FSTL5: variants seen among roughly 807,000 people sequenced by gnomAD.
FSTL5 encodes the protein follistatin like 5.
A neutral mutation model predicts 89.1 loss-of-function variants in FSTL5; 62 were observed. The observed-to-expected ratio is 0.70, with a 90% confidence interval of 0.57 to 0.86. The LOEUF (loss-of-function observed/expected upper bound fraction) is 0.86, where lower values mean the gene tolerates loss of function less well. Ranked by LOEUF, FSTL5 falls within the 40% of genes least tolerant of loss-of-function variation. The pLI, the probability that FSTL5 is intolerant of heterozygous loss-of-function variation, is 0.00. For synonymous variants in FSTL5, 383 were observed against 346.2 expected, an observed-to-expected ratio of 1.11 and a Z score of -1.18; for missense variants, 1,057 against 1,001.6, an observed-to-expected ratio of 1.06 and a Z score of -0.75.
intron 3 of FSTL5, among the ~76,000 whole-genome samples, chr4:161,992,816 C>T (rs1736150808): frequency 7.4e-6 from 1 of 135,660 alleles, no homozygotes; most frequent in Non-Finnish European, 1.5e-5. Context: ...CATTGAACTT[C>T]AGCCTGGGCA....
At chr4:161,622,401 C>T (rs1003750750) in intron 7 of FSTL5, among the ~76,000 whole-genome samples, 8 of 151,886 alleles carry the variant, frequency 5.3e-5, no homozygotes, top group African/African-American at 1.7e-4. Context: ...GAAAGCTTGA[C>T]GTAAAAACAT....
chr4:161,608,894 T>G (rs2126633104), intron 7 of FSTL5, among the ~76,000 whole-genome samples: 1 of 152,114 alleles, frequency 6.6e-6, no homozygotes, highest in African/African-American at 2.4e-5. Context: ...CATATTGGAG[T>G]TTTCACACCT....
chr4:161,554,113 T>G (rs940339227), intron 8 of FSTL5, among the ~76,000 whole-genome samples: 4 of 151,516 alleles, frequency 2.6e-5, no homozygotes, highest in African/African-American at 9.7e-5. Context: ...TGGAGGAAAC[T>G]AAATAAAATA....
intron 12 of FSTL5, among the ~76,000 whole-genome samples, chr4:161,495,835 C>T (rs1730050231): frequency 6.6e-6 from 1 of 152,036 alleles, no homozygotes; most frequent in Non-Finnish European, 1.5e-5. Context: ...TTCCAAAAGA[C>T]TCATTTCCAC....
intron 12 of FSTL5, 27 bp downstream of exon 12, chr4:161,499,989 C>T (rs201715734): frequency 3.2e-5 from 44 of 1,358,844 alleles, no homozygotes; most frequent in African/African-American, 1.6e-4. Flanking sequence ...CTGCATAAAA[C>T]GTCAAAGGAA....
intron 1 of FSTL5, among the ~76,000 whole-genome samples, chr4:162,114,563 CACACAT>C (rs1408732713): frequency 1.4e-3 from 180 of 125,896 alleles, no homozygotes; most frequent in African/African-American, 4.7e-3. Flanking sequence ...CACACACACA[CACACAT>C]ATTCTATATG....
intron 7 of FSTL5, among the ~76,000 whole-genome samples, chr4:161,612,095 T>C (rs921848091): frequency 1.3e-5 from 2 of 152,240 alleles, no homozygotes; most frequent in Non-Finnish European, 2.9e-5. Context: ...CACATTGTGT[T>C]CTTTATAATA....
intron 3 of FSTL5, among the ~76,000 whole-genome samples, chr4:162,009,019 A>G (rs1019550755): frequency 2.6e-5 from 4 of 152,110 alleles, no homozygotes; most frequent in African/African-American, 9.6e-5. Flanking sequence ...TTTGATTGAC[A>G]TAAGTTCCTA....
chr4:161,399,047 A>T (rs886245663), intron 15 of FSTL5, among the ~76,000 whole-genome samples: 7 of 152,166 alleles, frequency 4.6e-5, no homozygotes, highest in African/African-American at 1.7e-4. Context: ...TAAACATAGC[A>T]CAATACTGTA....
intron 7 of FSTL5, among the ~76,000 whole-genome samples, chr4:161,634,126 G>C (rs1457630235): frequency 6.6e-6 from 1 of 152,166 alleles, no homozygotes; most frequent in Non-Finnish European, 1.5e-5. Context: ...TTCTGGATGG[G>C]AATGTTAGAC....
Position 161,459,338 on chromosome 4 carries a change from G to GA in FSTL5, c.1609-20dup. 6.6e-6 allele frequency: 10 copies of GA among 1,520,444 alleles called. No homozygotes were observed. Among genetic ancestry groups the GA allele is most frequent in the Non-Finnish European group, 7.3e-6 (8 of 1,102,844 alleles). 94.2% of individuals were successfully genotyped at this position (1,520,444 alleles called of 1,614,324 possible). A position where few individuals can be genotyped will look rare whatever the true frequency, so the allele number is the denominator to read the frequency against. ...TCACTGCCTACAATAAAGAAGAATTGAAAAAAATGTTTTAGACTAAACTAT... is the reference window on the plus strand; with the variant it reads ...TCACTGCCTACAATAAAGAAGAATTGAAAAAAAATGTTTTAGACTAAACTAT... On this transcript the variant is annotated intron_variant, in intron 13 of 15. Coordinates refer to ENST00000306100, the MANE Select transcript of FSTL5 (RefSeq NM_020116.5).
intron 15 of FSTL5, among the ~76,000 whole-genome samples, chr4:161,447,671 A>T (rs1335719739): frequency 6.6e-6 from 1 of 152,128 alleles, no homozygotes; most frequent in African/African-American, 2.4e-5. Flanking sequence ...ATAAAAGCCA[A>T]TCAGGTAACC....
chr4:161,878,725 T>C (rs1477100851), intron 4 of FSTL5, among the ~76,000 whole-genome samples: 1 of 152,146 alleles, frequency 6.6e-6, no homozygotes, highest in African/African-American at 2.4e-5. Flanking sequence ...AGGTTTACTA[T>C]ATATTAGTGT....
intron 3 of FSTL5, among the ~76,000 whole-genome samples, chr4:162,030,473 G>T (rs1737478255): frequency 6.6e-6 from 1 of 151,856 alleles, no homozygotes; most frequent in Non-Finnish European, 1.5e-5. Flanking sequence ...AACTGGAAAT[G>T]AAAAAAACAT....
intron 7 of FSTL5, among the ~76,000 whole-genome samples, chr4:161,620,592 G>T (rs1051225720): frequency 9.2e-5 from 14 of 152,126 alleles, no homozygotes; most frequent in African/African-American, 2.9e-4. Flanking sequence ...AAGGGTGGAG[G>T]TTGAGATGAG....
intron 1 of FSTL5, among the ~76,000 whole-genome samples, chr4:162,141,108 T>C (rs865890187): frequency 2.8e-3 from 41 of 14,698 alleles, no homozygotes; most frequent in Non-Finnish European, 6.2e-3. Flanking sequence ...CCTTCTCTCT[T>C]TTTTTTTTTT....
At chr4:161,880,237 G>A (rs1732584516) in intron 4 of FSTL5, among the ~76,000 whole-genome samples, 1 of 151,898 alleles carries the variant, frequency 6.6e-6, no homozygotes, top group Non-Finnish European at 1.5e-5. Context: ...AGTCATTTGT[G>A]ACATTTTGAT....
At chr4:161,827,113 G>A (rs1445116779) in intron 4 of FSTL5, among the ~76,000 whole-genome samples, 3 of 152,124 alleles carry the variant, frequency 2.0e-5, no homozygotes, top group Non-Finnish European at 4.4e-5. Context: ...GGACTCAAGG[G>A]CTGCTCTTAA....
chr4:161,484,175 T>C (rs1207232312), intron 12 of FSTL5, among the ~76,000 whole-genome samples: 1 of 152,200 alleles, frequency 6.6e-6, no homozygotes, highest in East Asian at 1.9e-4. Context: ...TTTTCATTTA[T>C]TAGACTAATT....
Sources: gnomAD v4.1 joint callset for allele counts (sites outside exome capture counted in the v4.1 genomes callset) on GRCh38, gnomAD v4.1.1 for gene constraint, MANE v1.5 for transcripts, NCBI Gene and HGNC (gene_info 2026-07-23, HGNC 2026-07-21) for gene names.